The following UBE4B variants were observed in gnomAD, a reference collection of about 807,000 sequenced individuals.
UBE4B encodes the protein ubiquitin conjugation factor E4 B.
Under a neutral mutation model 148.1 loss-of-function variants are expected in UBE4B, and 27 were observed. The observed-to-expected ratio is 0.18, with a 90% CI of 0.13 to 0.25. The LOEUF (loss-of-function observed/expected upper bound fraction) is 0.25. Among genes scored for constraint, UBE4B ranks in the 10% least tolerant of loss-of-function variants. The pLI, the probability that UBE4B is intolerant of heterozygous loss-of-function variation, is 1.00. For synonymous variants in UBE4B, 596 were observed against 619.3 expected, an observed-to-expected ratio of 0.96 and a Z score of 0.56; for missense variants, 1,170 against 1,662.4, an observed-to-expected ratio of 0.70 and a Z score of 5.15.
chr1:10,115,128 T>G lies in UBE4B; in HGVS notation c.1197-2331T>G, dbSNP rs908603492. On this transcript the variant is annotated intron_variant, in intron 7 of 27. Coordinates refer to ENST00000343090, the MANE Select transcript of UBE4B (RefSeq NM_001105562.3). ...AACGCCTTGAATTTCAAAGTAGCAT[T>G]GTTTCTCCTTCTTACTGAAATACTT... Among the ~76,000 whole-genome samples, 6 of 152,064 alleles carry G rather than the reference T, an allele frequency of 3.9e-5. 1 individual carries two copies. The highest frequency in any genetic ancestry group is 1.2e-4 in the African/African-American group (5 of 41,418).
chr1:10,119,688 C>A, intron 9 of UBE4B, 75 bp downstream of exon 9: 3 of 1,363,870 alleles, frequency 2.2e-6, no homozygotes, highest in Non-Finnish European at 3.1e-6. Context: ...GGCTCTCTGG[C>A]CATTCTTGCA....
At chr1:10,084,480 C>T (rs572785001) in intron 2 of UBE4B, among the ~76,000 whole-genome samples, 25 of 152,080 alleles carry the variant, frequency 1.6e-4, no homozygotes, top group Admixed American at 5.2e-4. Flanking sequence ...CAGTAGAGAT[C>T]GTGCCACACA....
At chr1:10,102,865 A>T in intron 4 of UBE4B, 83 bp from the exon 5 acceptor site, 1 of 1,384,890 alleles carries the variant, frequency 7.2e-7, no homozygotes, top group Non-Finnish European at 9.8e-7. Context: ...ATAATGAATT[A>T]AATCAGAATA....
chr1:10,077,086 C>T (rs1337095635), intron 2 of UBE4B, among the ~76,000 whole-genome samples: 1 of 152,044 alleles, frequency 6.6e-6, no homozygotes, highest in Non-Finnish European at 1.5e-5. Context: ...CTGTAGTTTC[C>T]TAGGGCTGCT....
intron 21 of UBE4B, among the ~76,000 whole-genome samples, chr1:10,155,480 A>G (rs1015989066): frequency 6.6e-6 from 1 of 152,200 alleles, no homozygotes; most frequent in Non-Finnish European, 1.5e-5. Context: ...GCCCTTTAGC[A>G]CAGGTCCCCC....
At chr1:10,123,578 G>A (rs1261309604) in intron 10 of UBE4B, among the ~76,000 whole-genome samples, 1 of 151,836 alleles carries the variant, frequency 6.6e-6, no homozygotes, top group Non-Finnish European at 1.5e-5. Context: ...TATAAAATCA[G>A]CCCAGTGACC....
rs569671932 is a variant in UBE4B at position 10,069,960 on chromosome 1, C to T, written c.25-2068C>T. On this transcript the variant is annotated intron_variant, in intron 1 of 27. Coordinates refer to ENST00000343090, the MANE Select transcript of UBE4B (RefSeq NM_001105562.3). ...TGAATTAGAAATCAAGCATGAACTCCTAAATTTAGCTGTCTGTAAGATAAT... is the reference window on the plus strand; with the variant it reads ...TGAATTAGAAATCAAGCATGAACTCTTAAATTTAGCTGTCTGTAAGATAAT... 9.6e-4 allele frequency among the ~76,000 whole-genome samples: 146 copies of T among 152,120 alleles called. 1 individual carries two copies. In the South Asian group the frequency reaches 0.029, roughly 30 times the overall value.
rs1645655456 is a variant in UBE4B at position 10,135,042 on chromosome 1, C to T, written c.2080C>T (p.Leu694=). Residue 694 remains leucine (L), a synonymous_variant, in exon 16 of 28, where the codon CTG becomes TTG. Transcript: ENST00000343090. ...DGFMLNFLWV[L]QQLSTKIKLE... is the part of the protein sequence containing the mutation. The stretch of plus-strand genomic sequence containing the variant: ...ATTTATGCTGAATTTCCTTTGGGTA[C>T]TGCAGCAGCTAAGTACAAAAATCAA... The T allele has an allele frequency of 6.2e-7, 1 of 1,614,000 alleles. No homozygotes were observed. Among genetic ancestry groups the T allele is most frequent in the African/African-American group, 1.3e-5 (1 of 74,904 alleles).
At chr1:10,050,729 T>TC (rs1031037586) in intron 1 of UBE4B, among the ~76,000 whole-genome samples, 1 of 151,798 alleles carries the variant, frequency 6.6e-6, no homozygotes, top group Non-Finnish European at 1.5e-5. Flanking sequence ...TTCTTTTTTT[T>TC]TTTTTTTTTA....
chr1:10,175,480 T>TGC, intron 25 of UBE4B, among the ~76,000 whole-genome samples: 1 of 147,460 alleles, frequency 6.8e-6, no homozygotes, highest in South Asian at 2.1e-4. Context: ...TGAAACCCCA[T>TGC]CTCTACTAAA....
At chr1:10,075,738 T>A (rs186724464) in intron 2 of UBE4B, among the ~76,000 whole-genome samples, 12 of 152,334 alleles carry the variant, frequency 7.9e-5, no homozygotes, top group African/African-American at 2.9e-4. Flanking sequence ...AGAAAATCTC[T>A]CTTAAGACAG....
chr1:10,167,985 A>C (rs1453759122), intron 23 of UBE4B, 151 bp from the exon 24 acceptor site: 8 of 979,154 alleles, frequency 8.2e-6, no homozygotes, highest in Non-Finnish European at 8.5e-6. Flanking sequence ...TGAAAGGATG[A>C]AACTTCAGTT....
At chr1:10,118,656 CA>C (rs898289640) in intron 8 of UBE4B, among the ~76,000 whole-genome samples, 1 of 151,760 alleles carries the variant, frequency 6.6e-6, no homozygotes, top group African/African-American at 2.4e-5. Flanking sequence ...AGGCATGAGC[CA>C]CCATGCCCGG....
intron 7 of UBE4B, among the ~76,000 whole-genome samples, chr1:10,116,162 G>A (rs552009716): frequency 6.6e-6 from 1 of 151,982 alleles, no homozygotes; most frequent in African/African-American, 2.4e-5. Context: ...TTTTATTTTA[G>A]GACAGCGTCT....
intron 10 of UBE4B, among the ~76,000 whole-genome samples, chr1:10,125,500 C>T (rs185275745): frequency 6.6e-6 from 1 of 152,318 alleles, no homozygotes; most frequent in African/African-American, 2.4e-5. Flanking sequence ...TCATCCAGGG[C>T]ACCTGTGTTT....
intron 1 of UBE4B, among the ~76,000 whole-genome samples, chr1:10,034,470 GGTT>G (rs1242204132): frequency 6.8e-6 from 1 of 146,620 alleles, no homozygotes; most frequent in South Asian, 2.1e-4. Context: ...TAATAAATTA[GGTT>G]GTTGTAAAAA....
In UBE4B at chr1:10,171,892, A is replaced by G. The variant is rs117325767; in HGVS notation, c.3525+563A>G. On this transcript the variant is annotated intron_variant, in intron 25 of 27. Coordinates refer to ENST00000343090, the MANE Select transcript of UBE4B (RefSeq NM_001105562.3). ...TGAGACTCTGTCTCAAAATAAATAA[A>G]TAAGTAAGTAAGTAAGTAAAAAACA... 7.1e-4 allele frequency among the ~76,000 whole-genome samples: 108 copies of G among 152,256 alleles called. No individual in the cohort carries two copies. In the East Asian group the frequency reaches 0.012, roughly 17 times the overall value.
Position 10,135,102 on chromosome 1 carries a change from C to T in UBE4B, c.2140C>T (p.Pro714Ser), listed in dbSNP as rs765248938. ...ETVDPTYIFH[P>S]RCRITLPNDE... ...AGTTGATCCCACGTATATTTTTCAC[C>T]CAAGATGTCGGATTACTCTTCCCAA... Residue 714 changes from proline to serine, a missense_variant, in exon 16 of 28, where the codon CCA becomes TCA. Coordinates refer to ENST00000343090, the MANE Select transcript of UBE4B (RefSeq NM_001105562.3). The T allele has an allele frequency of 2.5e-6, 4 of 1,613,820 alleles. No individual in the cohort carries two copies. In the Admixed American group the frequency reaches 6.7e-5, roughly 27 times the overall value.
chr1:10,110,357 T>G (rs1645197235), intron 7 of UBE4B, among the ~76,000 whole-genome samples: 1 of 152,188 alleles, frequency 6.6e-6, no homozygotes, highest in Admixed American at 6.5e-5. Flanking sequence ...AGAACTGCTT[T>G]TTGCGCGAGT....
Sources: allele counts gnomAD v4.1 joint callset (sites outside exome capture counted in the v4.1 genomes callset), GRCh38; gene constraint gnomAD v4.1.1; transcripts MANE v1.5; gene names NCBI Gene and HGNC (gene_info 2026-07-23, HGNC 2026-07-21).